Variants in PLEKHA7 observed in about 807,000 individuals in gnomAD.
PLEKHA7 encodes the protein pleckstrin homology domain containing A7, also known as pleckstrin homology domain-containing family A member 7.
A neutral mutation model predicts 170.0 loss-of-function variants in PLEKHA7; 104 were observed. That is an observed-to-expected ratio of 0.61 (90% CI 0.52 to 0.72). PLEKHA7 has a LOEUF of 0.72. Among genes scored for constraint, PLEKHA7 ranks in the 30% least tolerant of loss-of-function variants. The pLI is 0.00. For synonymous variants in PLEKHA7, 648 were observed against 660.8 expected, an observed-to-expected ratio of 0.98 and a Z score of 0.30; for missense variants, 1,615 against 1,671.7, an observed-to-expected ratio of 0.97 and a Z score of 0.59.
intron 13 of PLEKHA7, among the ~76,000 whole-genome samples, chr11:16,809,396 G>A (rs1849207556): frequency 6.6e-6 from 1 of 152,122 alleles, no homozygotes; most frequent in Admixed American, 6.5e-5. Context: ...GCACATGGAG[G>A]GGAGAGGTCA....
At chr11:16,825,346 G>A (rs756893625) in intron 10 of PLEKHA7, among the ~76,000 whole-genome samples, 3 of 152,238 alleles carry the variant, frequency 2.0e-5, no homozygotes, top group South Asian at 4.1e-4. Flanking sequence ...GGATGCTGGC[G>A]CATCCGCTGC....
At chr11:16,858,078 G>A (rs1423776144) in intron 4 of PLEKHA7, among the ~76,000 whole-genome samples, 2 of 152,138 alleles carry the variant, frequency 1.3e-5, no homozygotes, top group Non-Finnish European at 2.9e-5. Flanking sequence ...GCTTATTACA[G>A]AATATTTGAG....
Position 16,791,046 on chromosome 11 carries a change from G to T in PLEKHA7, c.2899C>A (p.Arg967=). The T allele has an allele frequency of 6.2e-7, 1 of 1,614,056 alleles. No individual in the cohort carries two copies. Among genetic ancestry groups the T allele is most frequent in the Non-Finnish European group, 8.5e-7 (1 of 1,180,026 alleles). Residue 967 remains arginine (R), a synonymous_variant, in exon 20 of 27, where the codon CGG becomes AGG. Transcript: ENST00000531066. This position sits in a 1 kb window ranked among gnomAD's most constrained non-coding sequence, Gnocchi z 4.5. ...KRQSDERKRD[R]ELGQCVNGDS... ...CCATTCACACACTGCCCCAGCTCCC[G>T]GTCTCGCTTCCTCTCGTCTGACTGC... is the stretch of plus-strand genomic sequence containing the variant.
chr11:16,886,267 C>T (rs181911653), intron 3 of PLEKHA7, among the ~76,000 whole-genome samples: 1 of 152,304 alleles, frequency 6.6e-6, no homozygotes, highest in East Asian at 1.9e-4. Flanking sequence ...ATATAGTCTA[C>T]TGTGGTGTTT....
At chr11:16,815,938 T>G (rs1849718657) in intron 12 of PLEKHA7, among the ~76,000 whole-genome samples, 1 of 152,090 alleles carries the variant, frequency 6.6e-6, no homozygotes, top group African/African-American at 2.4e-5. Flanking sequence ...AAATTCATCT[T>G]GAAAGAGGAG....
intron 3 of PLEKHA7, among the ~76,000 whole-genome samples, chr11:16,978,975 G>GC (rs1467083225): frequency 1.3e-5 from 2 of 152,034 alleles, no homozygotes; most frequent in Admixed American, 1.3e-4. Context: ...TCTAAAACAG[G>GC]CCTCCCTCCC....
chr11:16,787,014 T>A, intron 23 of PLEKHA7: 1 of 984,976 alleles, frequency 1.0e-6, no homozygotes, highest in Non-Finnish European at 1.2e-6. Flanking sequence ...AAAAACTAAA[T>A]CATATAAAAT....
At chr11:17,000,494 G>A (rs1439331953) in intron 3 of PLEKHA7, among the ~76,000 whole-genome samples, 1 of 152,146 alleles carries the variant, frequency 6.6e-6, no homozygotes, top group African/African-American at 2.4e-5. Context: ...TTACTGCCCA[G>A]CTTCCTTTTA....
At chr11:16,868,111 C>A (rs1854536709) in intron 4 of PLEKHA7, among the ~76,000 whole-genome samples, 1 of 152,144 alleles carries the variant, frequency 6.6e-6, no homozygotes. Context: ...TAAACCACAT[C>A]CCTTCCCAGA....
chr11:16,935,891 A>C (rs1486501832), intron 3 of PLEKHA7, among the ~76,000 whole-genome samples: 2 of 152,232 alleles, frequency 1.3e-5, no homozygotes, highest in Non-Finnish European at 2.9e-5. Flanking sequence ...ACAGATGCTT[A>C]TAATGTTCAC....
intron 8 of PLEKHA7, 101 bp from the exon 9 acceptor site, chr11:16,841,823 C>T: frequency 8.4e-7 from 1 of 1,194,810 alleles, no homozygotes; most frequent in Non-Finnish European, 1.1e-6. Context: ...AGTCTAAAAG[C>T]CCAAGCACCA....
intron 3 of PLEKHA7, among the ~76,000 whole-genome samples, chr11:16,968,802 C>T (rs909513753): frequency 1.3e-5 from 2 of 152,140 alleles, no homozygotes; most frequent in Admixed American, 6.5e-5. Context: ...TTTCACATCC[C>T]CCACTTAACA....
Position 16,852,373 on chromosome 11 carries a change from C to A in PLEKHA7, c.523-18G>T. 6.2e-7 allele frequency: 1 copy of A among 1,612,564 alleles called. No homozygotes were observed. The highest frequency in any genetic ancestry group is 8.5e-7 in the Non-Finnish European group (1 of 1,178,948). ...GAACTGTCCTGCAAAGCAAAGAAAACTAGTCAGGGTAATATCTGAGCATAC... is the reference window on the plus strand; with the variant it reads ...GAACTGTCCTGCAAAGCAAAGAAAAATAGTCAGGGTAATATCTGAGCATAC... On this transcript the variant is annotated intron_variant, in intron 6 of 26. Transcript: ENST00000531066.
chr11:16,917,064 C>T (rs899074211), intron 3 of PLEKHA7, among the ~76,000 whole-genome samples: 1 of 151,984 alleles, frequency 6.6e-6, no homozygotes. Flanking sequence ...ACAAAAAATA[C>T]AAAAATTAGC....
At chr11:16,909,861 T>C (rs177552) in intron 3 of PLEKHA7, among the ~76,000 whole-genome samples, 60,729 of 151,854 alleles carry the variant, frequency 0.4, 13,228 homozygotes, top group African/African-American at 0.57. Flanking sequence ...TTTCACTTTT[T>C]ATAATAGATC....
At chr11:16,836,153 C>A (rs1442704602) in intron 9 of PLEKHA7, among the ~76,000 whole-genome samples, 2 of 152,188 alleles carry the variant, frequency 1.3e-5, no homozygotes, top group African/African-American at 4.8e-5. Context: ...TGGATTTTAA[C>A]CTTGATGATA....
chr11:16,892,440 T>TGTGTGTGTGTGTGTGTGTGTGTGTG (rs749414406), intron 3 of PLEKHA7, among the ~76,000 whole-genome samples: 4 of 102,534 alleles, frequency 3.9e-5, no homozygotes, highest in African/African-American at 6.4e-5. Context: ...GTGTGTTTTG[T>TGTGTGTGTGTGTGTGTGTGTGTGTG]TTTGTTTTGT....
At chr11:16,881,648 C>T (rs392500) in intron 3 of PLEKHA7, 69,186 of 151,598 alleles carry the variant, frequency 0.46, 16,389 homozygotes, top group Non-Finnish European at 0.54. Context: ...TTGGCTGCCC[C>T]TCTAGAACCA....
At chr11:16,852,083 TGG>T (rs1200492831) in intron 7 of PLEKHA7, among the ~76,000 whole-genome samples, 198 bp downstream of exon 7, 68 of 152,286 alleles carry the variant, frequency 4.5e-4, no homozygotes, top group African/African-American at 1.5e-3. Context: ...ACCTCAAAGG[TGG>T]ACCTATGTCC....
Sources: allele counts gnomAD v4.1 joint callset (sites outside exome capture counted in the v4.1 genomes callset), GRCh38; gene constraint gnomAD v4.1.1; non-coding constraint Gnocchi (gnomAD v3.1); transcripts MANE v1.5; gene names NCBI Gene and HGNC (gene_info 2026-07-23, HGNC 2026-07-21).